S100B: variants seen among roughly 807,000 people sequenced by gnomAD.
S100B encodes the protein S100 calcium binding protein B, also known as protein S100-B.
In S100B, 6 loss-of-function variants were observed where a neutral mutation model predicts 7.7. The ratio of observed to expected loss-of-function variants is 0.78; its 90% CI spans 0.43 to 1.54. The LOEUF (loss-of-function observed/expected upper bound fraction) is 1.54. Ranked by LOEUF, S100B falls within the 40% of genes most tolerant of loss-of-function variation. The pLI is 0.01. For synonymous variants in S100B, 36 were observed against 40.4 expected (o/e 0.89, Z 0.41); for missense variants, 99 against 111.8 (o/e 0.89, Z 0.52).
intron 2 of S100B, among the ~76,000 whole-genome samples, chr21:46,600,913 C>T (rs996312136): frequency 1.3e-5 from 2 of 152,204 alleles, no homozygotes; most frequent in African/African-American, 4.8e-5. Context: ...CAGATCAAGT[C>T]AGAAGGCAAG....
chr21:46,599,339 G>C lies in S100B; in HGVS notation c.*24C>G, dbSNP rs1198702877. The C allele has an allele frequency of 1.2e-6, 2 of 1,609,890 alleles. No individual in the cohort carries two copies. Among genetic ancestry groups the C allele is most frequent in the Non-Finnish European group, 1.7e-6 (2 of 1,177,884 alleles). On this transcript the variant is annotated 3_prime_UTR_variant, in exon 3 of 3. Coordinates refer to ENST00000291700, the MANE Select transcript of S100B (RefSeq NM_006272.3). ...TCTTGCATGACCGTCTCTGTTACAG[G>C]AAAGGTTTGGCTGCTTTCTAATCTC... is the stretch of plus-strand genomic sequence containing the variant.
Position 46,599,392 on chromosome 21 carries a change from CA to C in S100B, c.249del (p.Ala84ProfsTer48). The C allele has an allele frequency of 6.2e-7, 1 of 1,613,956 alleles. No individual in the cohort carries two copies. Among genetic ancestry groups the C allele is most frequent in the Non-Finnish European group, 8.5e-7 (1 of 1,179,916 alleles). On this transcript the variant is annotated frameshift_variant, in exon 3 of 3. Coordinates refer to ENST00000291700, the MANE Select transcript of S100B (RefSeq NM_006272.3). LOFTEE classifies it high-confidence loss of function. ...TCATGTTCAAAGAACTCGTGGCAGG[CA>C]GTAGTAACCATGGCAACAAAGGCCA... ...EFMAFVAMVT[T>X]ACHEFFEHE
rs1030529001 is a variant in S100B at position 46,602,594 on chromosome 21, A to G, written c.-1-178T>C. On this transcript the variant is annotated intron_variant, in intron 1 of 2. Coordinates refer to ENST00000291700, the MANE Select transcript of S100B (RefSeq NM_006272.3). ...CATTCTGGGAATTTGCACTTTTATC[A>G]TAATCCTTCCACCGGCCTCTTAGAC... 5.1e-6 allele frequency: 3 copies of G among 585,226 alleles called. No homozygotes were observed. In the African/African-American group the frequency reaches 5.6e-5, roughly 11 times the overall value. The allele number at this position is 585,226 out of a possible 1,614,324, so 36.3% of individuals were successfully genotyped here.
At chr21:46,603,392 A>AGGGGGTGGGGGGTGGGGGGGGCGGGGGG (rs796474856) in intron 1 of S100B, among the ~76,000 whole-genome samples, 25 of 38,222 alleles carry the variant, frequency 6.5e-4, no homozygotes, top group Admixed American at 1.4e-3. Context: ...GGACGGCGGG[A>AGGGGGTGGGGGGTGGGGGGGGCGGGGGG]GGGGGTGGGG....
intron 2 of S100B, 109 bp downstream of exon 2, chr21:46,602,169 T>C: frequency 2.8e-6 from 3 of 1,064,924 alleles, no homozygotes; most frequent in Non-Finnish European, 4.1e-6. Flanking sequence ...CCAGGAGTCT[T>C]GGAAGGGAAA....
intron 1 of S100B, among the ~76,000 whole-genome samples, chr21:46,603,398 T>TGGGGGGGGGGGGGGGGGGGGGGG: frequency 1.9e-5 from 1 of 52,070 alleles, no homozygotes; most frequent in African/African-American, 7.1e-5. Flanking sequence ...CGGGAGGGGG[T>TGGGGGGGGGGGGGGGGGGGGGGG]GGGGGCAGGA....
chr21:46,600,680 C>G (rs1378733211), intron 2 of S100B, among the ~76,000 whole-genome samples: 2 of 152,170 alleles, frequency 1.3e-5, no homozygotes, highest in African/African-American at 4.8e-5. Flanking sequence ...ACTGAAATTA[C>G]CTTGATAAAA....
intron 1 of S100B, among the ~76,000 whole-genome samples, chr21:46,603,392 A>AGGGGGTGGGGGGAGGGGGGGGCGG (rs796474856): frequency 2.6e-5 from 1 of 38,204 alleles, no homozygotes; most frequent in Non-Finnish European, 4.9e-5. Context: ...GGACGGCGGG[A>AGGGGGTGGGGGGAGGGGGGGGCGG]GGGGGTGGGG....
rs993502741 is a variant in S100B, at chr21:46,598,782, G to A, written c.*581C>T. 2.0e-5 allele frequency among the ~76,000 whole-genome samples: 3 copies of A among 152,230 alleles called. No homozygotes were observed. Among genetic ancestry groups the A allele is most frequent in the African/African-American group, 7.2e-5 (3 of 41,462 alleles). Reference sequence around the variant, plus strand: ...AGCCCCCAGAGCTGGCTCGGATTGCGAGTTCTGATGGAGTTGCTTTTTCCA... The same window carrying A: ...AGCCCCCAGAGCTGGCTCGGATTGCAAGTTCTGATGGAGTTGCTTTTTCCA... On this transcript the variant is annotated 3_prime_UTR_variant, in exon 3 of 3. Coordinates refer to ENST00000291700, the MANE Select transcript of S100B (RefSeq NM_006272.3).
At chr21:46,604,103 T>G (rs2148945153) in intron 1 of S100B, among the ~76,000 whole-genome samples, 1 of 152,342 alleles carries the variant, frequency 6.6e-6, no homozygotes, top group Non-Finnish European at 1.5e-5. Context: ...AGGAAAGGCA[T>G]AAAACATGTA....
At chr21:46,600,173 G>T in intron 2 of S100B, 1 of 289,856 alleles carries the variant, frequency 3.4e-6, no homozygotes, top group Non-Finnish European at 6.8e-6. Flanking sequence ...CATAAATGCA[G>T]AGTAACAATT....
rs190425982 is a variant in S100B, at chr21:46,602,429, A to G, written c.-1-13T>C. ...CAGCTCAGACATCCTAGGGGCTCGC[A>G]AAGGAAAGTTGCCTTCTCATCTATA... is the stretch of plus-strand genomic sequence containing the variant. On this transcript the variant is annotated splice_polypyrimidine_tract_variant and intron_variant, in intron 1 of 2. Transcript: ENST00000291700. 1 of 1,609,674 alleles carries G rather than the reference A, an allele frequency of 6.2e-7. No individual in the cohort carries two copies. The highest frequency in any genetic ancestry group is 8.5e-7 in the Non-Finnish European group (1 of 1,178,696).
chr21:46,599,291 C>T lies in S100B; in HGVS notation c.*72G>A. ...GCTGGAAAGCTCAGCTCCTACTAGG[C>T]TGCAAGCCCTTGCTGTCTGCTTTCT... On this transcript the variant is annotated 3_prime_UTR_variant, in exon 3 of 3. Coordinates refer to ENST00000291700, the MANE Select transcript of S100B (RefSeq NM_006272.3). 1 of 1,401,912 alleles carries T rather than the reference C, an allele frequency of 7.1e-7. No individual in the cohort carries two copies. The highest frequency in any genetic ancestry group is 1.0e-6 in the Non-Finnish European group (1 of 1,003,670). The allele number at this position is 1,401,912 out of a possible 1,614,324, so 86.8% of individuals were successfully genotyped here.
At chr21:46,600,996 C>T (rs1209918616) in intron 2 of S100B, among the ~76,000 whole-genome samples, 1 of 152,108 alleles carries the variant, frequency 6.6e-6, no homozygotes, top group Admixed American at 6.6e-5. Flanking sequence ...CCTGAGAAAA[C>T]CAGTCCTGGA....
chr21:46,603,257 T>C (rs1206442660), intron 1 of S100B, among the ~76,000 whole-genome samples: 12 of 151,418 alleles, frequency 7.9e-5, no homozygotes. Context: ...GTATCCTAAG[T>C]TTAACTGATC....
chr21:46,603,098 T>A (rs968324910), intron 1 of S100B, among the ~76,000 whole-genome samples: 1 of 152,072 alleles, frequency 6.6e-6, no homozygotes, highest in Admixed American at 6.5e-5. Flanking sequence ...ATTTAAATCA[T>A]TTTTAATAAA....
At position 46,601,714 on chromosome 21, in the gene S100B, C is replaced by A. The variant is rs188886826; in HGVS notation, c.138+564G>T. Among the ~76,000 whole-genome samples, 528 of 152,342 alleles carry A rather than the reference C, an allele frequency of 3.5e-3. 10 individuals carry two copies. The highest frequency in any genetic ancestry group is 1.3e-3 in the Non-Finnish European group (87 of 68,042). On this transcript the variant is annotated intron_variant, in intron 2 of 2. Transcript: ENST00000291700. ...GCCTCCTGCAAAGCCCCAGGGCTTC[C>A]AAAGGATGTGTACAGACCCCTGTCA...
chr21:46,599,934 G>T (rs1241687253), intron 2 of S100B, among the ~76,000 whole-genome samples: 1 of 152,240 alleles, frequency 6.6e-6, no homozygotes, highest in Admixed American at 6.5e-5. Context: ...CTTCTTTGTT[G>T]CTGAAGTAAC....
intron 1 of S100B, among the ~76,000 whole-genome samples, chr21:46,603,385 C>CGGTGGGGGGAGGGGGG (rs2061047135): frequency 7.4e-4 from 1 of 1,344 alleles, no homozygotes; most frequent in Non-Finnish European, 2.2e-3. Context: ...GTGACTGGGA[C>CGGTGGGGGGAGGGGGG]GGCGGGAGGG....
Sources: gnomAD v4.1 joint callset for allele counts (sites outside exome capture counted in the v4.1 genomes callset) on GRCh38, gnomAD v4.1.1 for gene constraint, MANE v1.5 for transcripts, NCBI Gene and HGNC (gene_info 2026-07-23, HGNC 2026-07-21) for gene names.